The following XYLT2 variants were observed in gnomAD, a reference collection of about 807,000 sequenced individuals.
XYLT2 encodes UDP-D-xylose:proteoglycan core protein beta-D-xylosyltransferase.
Under a neutral mutation model 82.6 loss-of-function variants are expected in XYLT2, and 37 were observed. The observed-to-expected ratio is 0.45, with a 90% CI of 0.34 to 0.59. The LOEUF is 0.59. Ranked by LOEUF, XYLT2 falls within the 20% of genes least tolerant of loss-of-function variation. XYLT2 has a pLI of 0.01. For missense variants in XYLT2, 934 were observed against 1,181.3 expected, an observed-to-expected ratio of 0.79 and a Z score of 3.07; for synonymous variants, 474 against 499.0, an observed-to-expected ratio of 0.95 and a Z score of 0.67.
In XYLT2 at chr17:50,360,114, G is replaced by C. The variant is rs1235115112; in HGVS notation, c.2421G>C (p.Ala807=). 5.0e-6 allele frequency: 8 copies of C among 1,613,926 alleles called. No individual in the cohort carries two copies. The highest frequency in any genetic ancestry group is 3.3e-4 in the Middle Eastern group (2 of 6,062). ...GGCACACACAGCTCACAGGCCCTGCGCTCGAGGCCTGGACAGACAGGGAAC... is the reference window on the plus strand; with the variant it reads ...GGCACACACAGCTCACAGGCCCTGCCCTCGAGGCCTGGACAGACAGGGAAC... The part of the protein sequence containing the change: ...AQRHTQLTGP[A]LEAWTDRELS... Residue 807 remains alanine (A), a synonymous_variant, in exon 11 of 11, where the codon GCG becomes GCC. Transcript: ENST00000017003.
At position 50,346,152 on chromosome 17, in the gene XYLT2, C is replaced by T; in HGVS notation, c.12C>T (p.Ser4=). 1.6e-6 allele frequency: 2 copies of T among 1,263,078 alleles called. No homozygotes were observed. The highest frequency in any genetic ancestry group is 1.0e-6 in the Non-Finnish European group (1 of 979,156). The allele number at this position is 1,263,078 out of a possible 1,614,324, so 78.2% of individuals were successfully genotyped here. Residue 4 remains serine, a synonymous_variant, in exon 1 of 11, where the codon AGC becomes AGT. Transcript: ENST00000017003. The surrounding 1 kb of genome is among the most constrained non-coding windows in gnomAD (Gnocchi z 5.1). ...TCCCGGGCAGGAAGATGGTGGCGAG[C>T]GCGCGAGTGCAGAAGCTGGTGCGGC... MVA[S]ARVQKLVRRY...
In XYLT2 at chr17:50,360,099, G is replaced by A. The variant is rs770933349; in HGVS notation, c.2406G>A (p.Gln802=). Residue 802 remains glutamine (Q), a synonymous_variant, in exon 11 of 11, where the codon CAG becomes CAA. Transcript: ENST00000017003. ...LAEEAAQRHT[Q]LTGPALEAWT... is the part of the protein sequence containing the mutation. Reference sequence around the variant, plus strand: ...AGGAGGCTGCCCAGCGGCACACACAGCTCACAGGCCCTGCGCTCGAGGCCT... The same window carrying A: ...AGGAGGCTGCCCAGCGGCACACACAACTCACAGGCCCTGCGCTCGAGGCCT... The A allele has an allele frequency of 6.2e-7, 1 of 1,613,952 alleles. No homozygotes were observed.
At chr17:50,350,567 A>C (rs1048182578) in intron 1 of XYLT2, among the ~76,000 whole-genome samples, 4 of 151,904 alleles carry the variant, frequency 2.6e-5, no homozygotes, top group African/African-American at 4.8e-5. Flanking sequence ...ACTGCCTCAG[A>C]AAAACAAACA....
rs1912737705 is a variant in XYLT2 at position 50,360,124 on chromosome 17, T to C, written c.2431T>C (p.Trp811Arg). 6.2e-7 allele frequency: 1 copy of C among 1,614,014 alleles called. No individual in the cohort carries two copies. The highest frequency in any genetic ancestry group is 8.5e-7 in the Non-Finnish European group (1 of 1,179,972). The change falls in exon 11 of 11, where the codon TGG becomes CGG. Residue 811 changes from tryptophan to arginine, a missense_variant. Coordinates refer to ENST00000017003, the MANE Select transcript of XYLT2 (RefSeq NM_022167.4). ...TQLTGPALEA[W>R]TDRELSSFWS... is the part of the protein sequence containing the mutation. ...GCTCACAGGCCCTGCGCTCGAGGCC[T>C]GGACAGACAGGGAACTGAGCAGCTT...
chr17:50,350,182 C>CAA (rs34760778), intron 1 of XYLT2, among the ~76,000 whole-genome samples: 10 of 18,562 alleles, frequency 5.4e-4, no homozygotes, highest in African/African-American at 1.0e-3. Context: ...GACTGCGTCT[C>CAA]AAAAAAAAAA....
chr17:50,346,199 C>T lies in XYLT2; in HGVS notation c.59C>T (p.Thr20Met). ...LVRRYKLAIA[T>M]ALAILLLQGL... ...CGGCGCTACAAGCTGGCGATTGCCA[C>T]GGCGCTGGCCATCCTGCTGCTGCAG... Residue 20 changes from threonine to methionine, a missense_variant, in exon 1 of 11, where the codon ACG (threonine) becomes ATG (methionine). By Grantham distance (81) the Thr-to-Met change is moderately conservative. This residue lies in a region of XYLT2 where 371 missense variants were observed against 394.9 expected (regional missense o/e 0.94). Coordinates refer to ENST00000017003, the MANE Select transcript of XYLT2 (RefSeq NM_022167.4). This position sits in a 1 kb window ranked among gnomAD's most constrained non-coding sequence, Gnocchi z 5.1. The T allele has an allele frequency of 3.1e-6, 4 of 1,290,146 alleles. No individual in the cohort carries two copies. The highest frequency in any genetic ancestry group is 1.4e-5 in the South Asian group (1 of 69,038). The allele number at this position is 1,290,146 out of a possible 1,614,324, so 79.9% of individuals were successfully genotyped here.
Position 50,346,386 on chromosome 17 carries a change from G to A in XYLT2, c.135+111G>A. 2.0e-6 allele frequency: 2 copies of A among 976,550 alleles called. No individual in the cohort carries two copies. The highest frequency in any genetic ancestry group is 5.2e-4 in the Middle Eastern group (1 of 1,918). The allele number at this position is 976,550 out of a possible 1,614,324, so 60.5% of individuals were successfully genotyped here. On this transcript the variant is annotated intron_variant, in intron 1 of 10. Coordinates refer to ENST00000017003, the MANE Select transcript of XYLT2 (RefSeq NM_022167.4). This position sits in a 1 kb window ranked among gnomAD's most constrained non-coding sequence, Gnocchi z 5.1. ...AGTGGGGCACGGGCCGCGTGCGTGC[G>A]TGCGGGGCGCCGGCGGTCGCCCAGA... is the stretch of plus-strand genomic sequence containing the variant.
Position 50,353,807 on chromosome 17 carries a change from G to A in XYLT2, c.313G>A (p.Ala105Thr). The A allele has an allele frequency of 1.3e-6, 2 of 1,572,164 alleles. No individual in the cohort carries two copies. Among genetic ancestry groups the A allele is most frequent in the Non-Finnish European group, 1.7e-6 (2 of 1,159,770 alleles). The change falls in exon 2 of 11, where the codon GCC (alanine) becomes ACC (threonine). Residue 105 changes from alanine to threonine, a missense_variant. This residue lies in a region of XYLT2 where 371 missense variants were observed against 394.9 expected (regional missense o/e 0.94). Transcript: ENST00000017003. ...VVRAVTSRQR[A>T]SRRVPPAPPP... Reference sequence around the variant, plus strand: ...ACGGGCAGTAACCAGCCGGCAGAGAGCCAGCCGGCGGGTCCCACCTGCCCC... The same window carrying A: ...ACGGGCAGTAACCAGCCGGCAGAGAACCAGCCGGCGGGTCCCACCTGCCCC...
chr17:50,348,335 A>C (rs1177999579), intron 1 of XYLT2, among the ~76,000 whole-genome samples: 1 of 152,224 alleles, frequency 6.6e-6, no homozygotes, highest in African/African-American at 2.4e-5. Flanking sequence ...AGGAGAGTTC[A>C]GGCAGAAGGC....
intron 10 of XYLT2, 69 bp downstream of exon 10, chr17:50,358,609 A>C: frequency 6.8e-7 from 1 of 1,466,604 alleles, no homozygotes; most frequent in South Asian, 1.4e-5. Context: ...AGGTGACCTC[A>C]AGAAGCCAAC....
chr17:50,352,213 T>C (rs191343725), intron 1 of XYLT2, among the ~76,000 whole-genome samples: 3 of 152,238 alleles, frequency 2.0e-5, no homozygotes, highest in African/African-American at 7.2e-5. Flanking sequence ...TCATGCTCAG[T>C]TGTTACTCCT....
intron 7 of XYLT2, 68 bp from the exon 8 acceptor site, chr17:50,356,443 G>C: frequency 1.3e-6 from 2 of 1,583,112 alleles, no homozygotes; most frequent in Non-Finnish European, 8.6e-7. Context: ...GCAGTGCTGA[G>C]GGGCCAGCCC....
chr17:50,351,079 G>C (rs968091663), intron 1 of XYLT2, among the ~76,000 whole-genome samples: 1 of 152,186 alleles, frequency 6.6e-6, no homozygotes, highest in African/African-American at 2.4e-5. Flanking sequence ...AAGGGCCTTG[G>C]TTTTTATCCT....
Position 50,356,499 on chromosome 17 carries a change from C to T in XYLT2, c.1483-12C>T. 1 of 1,613,250 alleles carries T rather than the reference C, an allele frequency of 6.2e-7. No homozygotes were observed. Among genetic ancestry groups the T allele is most frequent in the Non-Finnish European group, 8.5e-7 (1 of 1,179,566 alleles). ...CCAGAGCCCTTCACCCTCCTTGCCT[C>T]TCCCACTCCAGCAAGTCTCCAGACC... is the stretch of plus-strand genomic sequence containing the variant. On this transcript the variant is annotated splice_polypyrimidine_tract_variant and intron_variant, in intron 7 of 10. Coordinates refer to ENST00000017003, the MANE Select transcript of XYLT2 (RefSeq NM_022167.4).
Position 50,358,343 on chromosome 17 carries a change from C to T in XYLT2, c.2078C>T (p.Pro693Leu). The T allele has an allele frequency of 6.2e-7, 1 of 1,614,064 alleles. No homozygotes were observed. The highest frequency in any genetic ancestry group is 8.5e-7 in the Non-Finnish European group (1 of 1,180,038). ...NLTATVVWIDPTYVVATSYDI... is the reference protein window; with the variant it reads ...NLTATVVWIDLTYVVATSYDI... ...ACAGCCACAGTGGTCTGGATCGACC[C>T]AACCTATGTGGTGGCCACATCTTAT... Residue 693 changes from proline (P) to leucine (L), a missense_variant, in exon 10 of 11, where the codon CCA (proline) becomes CTA (leucine). This residue lies in a region of XYLT2 where 374 missense variants were observed against 465.6 expected (regional missense o/e 0.80). Transcript: ENST00000017003.
rs774467457 is a variant in XYLT2 at position 50,354,482 on chromosome 17, G to A, written c.703G>A (p.Ala235Thr). Residue 235 changes from alanine (A) to threonine (T), a missense_variant, in exon 3 of 11, where the codon GCC (alanine) becomes ACC (threonine). Transcript: ENST00000017003. ...QPMDGPPVRI[A>T]YMLVVHGRAI... ...CATGGATGGCCCCCCGGTGCGAATCGCCTACATGCTGGTGGTTCACGGCCG... is the reference window on the plus strand; with the variant it reads ...CATGGATGGCCCCCCGGTGCGAATCACCTACATGCTGGTGGTTCACGGCCG... The A allele has an allele frequency of 6.8e-6, 11 of 1,612,936 alleles. No individual in the cohort carries two copies. The highest frequency in any genetic ancestry group is 2.2e-5 in the East Asian group (1 of 44,876).
At position 50,356,610 on chromosome 17, in the gene XYLT2, C is replaced by T. The variant is rs147847688; in HGVS notation, c.1582C>T (p.Pro528Ser). Residue 528 changes from proline (P) to serine (S), a missense_variant, in exon 8 of 11, where the codon CCC (proline) becomes TCC (serine). Physicochemically the swap from Pro to Ser is moderately conservative, Grantham distance 74 (BLOSUM62 -1). Coordinates refer to ENST00000017003, the MANE Select transcript of XYLT2 (RefSeq NM_022167.4). ...LDFHLYGSYP[P>S]GTPALKAYWE... Reference sequence around the variant, plus strand: ...CTTCCACCTGTATGGCAGCTACCCCCCCGGCACGCCAGCCCTCAAGGCCTA... The same window carrying T: ...CTTCCACCTGTATGGCAGCTACCCCTCCGGCACGCCAGCCCTCAAGGCCTA... 81 of 1,614,146 alleles carry T rather than the reference C, an allele frequency of 5.0e-5. No individual in the cohort carries two copies. The African/African-American group carries it at 5.9e-4, about 12-fold the overall frequency.
chr17:50,361,103 G>A lies in XYLT2; in HGVS notation c.*812G>A, dbSNP rs1179385600. 2.0e-6 allele frequency: 2 copies of A among 985,824 alleles called. No homozygotes were observed. Among genetic ancestry groups the A allele is most frequent in the East Asian group, 1.1e-4 (1 of 8,834 alleles). 61.1% of individuals were successfully genotyped at this position (985,824 alleles called of 1,614,324 possible). A position where few individuals can be genotyped will look rare whatever the true frequency, so the allele number is the denominator to read the frequency against. Reference sequence around the variant, plus strand: ...CTGGAGTAATTGTGCCTGAAGCTCAGCGTGAAGTCTGAAATATGCAACAGA... The same window carrying A: ...CTGGAGTAATTGTGCCTGAAGCTCAACGTGAAGTCTGAAATATGCAACAGA... On this transcript the variant is annotated 3_prime_UTR_variant, in exon 11 of 11. Coordinates refer to ENST00000017003, the MANE Select transcript of XYLT2 (RefSeq NM_022167.4).
intron 6 of XYLT2, 28 bp from the exon 7 acceptor site, chr17:50,356,057 A>G: frequency 6.2e-7 from 1 of 1,613,932 alleles, no homozygotes; most frequent in East Asian, 2.2e-5. Flanking sequence ...CCTGCAGCTC[A>G]CCTTCCACTC....
Sources: allele counts gnomAD v4.1 joint callset (sites outside exome capture counted in the v4.1 genomes callset), GRCh38; gene constraint gnomAD v4.1.1; regional missense constraint gnomAD v4.1.1; non-coding constraint Gnocchi (gnomAD v3.1); transcripts MANE v1.5; gene names NCBI Gene and HGNC (gene_info 2026-07-23, HGNC 2026-07-21).